HTT: variants seen among roughly 807,000 people sequenced by gnomAD.
HTT encodes huntingtin.
HTT carries 104 observed loss-of-function variants against 362.3 expected under a neutral mutation model. The observed-to-expected ratio is 0.29, with a 90% CI of 0.24 to 0.34. The LOEUF is 0.34. HTT is among the 10% of genes least tolerant of loss of function. The pLI is 1.00. For synonymous variants in HTT, 1,577 were observed against 1,548.7 expected (o/e 1.02, Z -0.43); for missense variants, 3,301 against 3,928.6 (o/e 0.84, Z 4.27).
At chr4:3,166,463 C>T (rs866559143) in intron 29 of HTT, among the ~76,000 whole-genome samples, 1 of 152,198 alleles carries the variant, frequency 6.6e-6, no homozygotes, top group South Asian at 2.1e-4. Flanking sequence ...CTGTCAGGCA[C>T]GTATGTTTAA....
At chr4:3,217,719 AG>A (rs745494693) in intron 51 of HTT, 45 bp from the exon 52 acceptor site, 1 of 1,510,302 alleles carries the variant, frequency 6.6e-7, no homozygotes, top group Non-Finnish European at 9.1e-7. Context: ...CTGGGCATAT[AG>A]GATGTGTTTT....
chr4:3,212,341 G>A (rs1720198859), intron 48 of HTT, among the ~76,000 whole-genome samples, 199 bp downstream of exon 48: 1 of 152,178 alleles, frequency 6.6e-6, no homozygotes, highest in East Asian at 1.9e-4. Context: ...CATTGACATG[G>A]TCATGGACAT....
At chr4:3,150,299 G>A (rs767001838) in intron 26 of HTT, among the ~76,000 whole-genome samples, 5 of 152,118 alleles carry the variant, frequency 3.3e-5, no homozygotes, top group Non-Finnish European at 7.4e-5. Flanking sequence ...ACCCCGATTC[G>A]GTTTAATTTT....
At chr4:3,208,977 T>TA in intron 46 of HTT, 66 bp downstream of exon 46, 1 of 1,506,770 alleles carries the variant, frequency 6.6e-7, no homozygotes. Flanking sequence ...CTGTGGCAGA[T>TA]ACAGAGAGTG....
At chr4:3,104,783 AGTCTCAGCTACTTGGGAGATTGAGGTG>A (rs1714342034) in intron 4 of HTT, among the ~76,000 whole-genome samples, 1 of 152,126 alleles carries the variant, frequency 6.6e-6, no homozygotes, top group Non-Finnish European at 1.5e-5. Context: ...GCACAACTAT[AGTCTCAGCTACTTGGGAGATTGAGGTG>A]GGAGGATTAA....
rs771496853 is a variant in HTT, at chr4:3,228,938, A to G, written c.8038A>G (p.Ser2680Gly). 1.9e-6 allele frequency: 3 copies of G among 1,613,686 alleles called. No homozygotes were observed. The highest frequency in any genetic ancestry group is 2.7e-5 in the African/African-American group (2 of 74,838). Residue 2680 changes from serine (S) to glycine (G), a missense_variant, in exon 59 of 67, where the codon AGC becomes GGC. Physicochemically the swap from Ser to Gly is moderately conservative, Grantham distance 56. Coordinates refer to ENST00000355072, the MANE Select transcript of HTT (RefSeq NM_001388492.1). The surrounding 1 kb of genome is among the most constrained non-coding windows in gnomAD (Gnocchi z 4.3). ...SCSQFLLELY[S>G]RWILPSSSAR... ...TTCGCAGTTTTTGCTTGAGTTGTAC[A>G]GCCGCTGGATCCTGCCGTCCAGCTC...
chr4:3,176,609 T>C (rs904208046), intron 33 of HTT, among the ~76,000 whole-genome samples: 1 of 152,218 alleles, frequency 6.6e-6, no homozygotes, highest in African/African-American at 2.4e-5. Context: ...ATTTGTTCCA[T>C]TCTAGTAAGA....
chr4:3,222,123 G>A (rs1435152391), intron 53 of HTT, among the ~76,000 whole-genome samples: 1 of 152,378 alleles, frequency 6.6e-6, no homozygotes, highest in African/African-American at 2.4e-5. Context: ...GGGTTGACCA[G>A]GCTGCCAGGG....
At chr4:3,170,131 A>G (rs1016004382) in intron 29 of HTT, among the ~76,000 whole-genome samples, 3 of 152,058 alleles carry the variant, frequency 2.0e-5, no homozygotes, top group African/African-American at 7.2e-5. Flanking sequence ...TTGGATGCCC[A>G]ACCTTGTGAA....
At chr4:3,193,025 A>C (rs771455843) in intron 40 of HTT, among the ~76,000 whole-genome samples, 38 of 152,368 alleles carry the variant, frequency 2.5e-4, no homozygotes, top group Admixed American at 5.2e-4. Flanking sequence ...GGGCAGGCAG[A>C]GGCAGGATTT....
intron 1 of HTT, among the ~76,000 whole-genome samples, chr4:3,083,167 C>A (rs897403628): frequency 6.6e-6 from 1 of 152,030 alleles, no homozygotes; most frequent in African/African-American, 2.4e-5. Context: ...TAGAGACGAG[C>A]GTCTTGTGCA....
At chr4:3,103,394 T>G (rs1429820530) in intron 3 of HTT, among the ~76,000 whole-genome samples, 1 of 151,616 alleles carries the variant, frequency 6.6e-6, no homozygotes, top group Non-Finnish European at 1.5e-5. Flanking sequence ...CCGGCTAATT[T>G]TTGTATTTTT....
At chr4:3,118,624 A>T (rs1263181874) in intron 8 of HTT, among the ~76,000 whole-genome samples, 1 of 152,202 alleles carries the variant, frequency 6.6e-6, no homozygotes, top group East Asian at 1.9e-4. Context: ...ATAGATTAGC[A>T]AGAGTGCTGG....
At chr4:3,182,714 G>A (rs1377045792) in intron 37 of HTT, among the ~76,000 whole-genome samples, 1 of 152,214 alleles carries the variant, frequency 6.6e-6, no homozygotes, top group Non-Finnish European at 1.5e-5. Flanking sequence ...TGATCAGGCA[G>A]CACACAGCTT....
rs1201951720 is a variant in HTT at position 3,211,807 on chromosome 4, T to A, written c.6415-122T>A. On this transcript the variant is annotated intron_variant, in intron 47 of 66. Transcript: ENST00000355072. ...TTTCTTAAAAATATTTTTGATGGTA[T>A]ACCAATTTGTATTTTCTCAGAAACA... The A allele has an allele frequency of 1.0e-5, 7 of 681,424 alleles. No homozygotes were observed. The Admixed American group carries it at 1.6e-4, about 16-fold the overall frequency. 42.2% of individuals were successfully genotyped at this position (681,424 alleles called of 1,614,324 possible). A position where few individuals can be genotyped will look rare whatever the true frequency, so the allele number is the denominator to read the frequency against.
chr4:3,227,066 C>T (rs904906004), intron 57 of HTT, among the ~76,000 whole-genome samples: 1 of 152,176 alleles, frequency 6.6e-6, no homozygotes, highest in Non-Finnish European at 1.5e-5. Context: ...CTGGCCTTGT[C>T]CTGGGCCCAG....
At chr4:3,230,159 G>A (rs947383036) in intron 60 of HTT, 117 bp downstream of exon 60, 12 of 819,482 alleles carry the variant, frequency 1.5e-5, no homozygotes, top group Admixed American at 2.0e-5. Context: ...GAGTTGACCC[G>A]AACCGGACTC....
intron 28 of HTT, among the ~76,000 whole-genome samples, chr4:3,158,361 T>G (rs557562227): frequency 6.6e-6 from 1 of 152,370 alleles, no homozygotes; most frequent in South Asian, 2.1e-4. Flanking sequence ...TAGAATTTTC[T>G]GGATATTCTT....
intron 8 of HTT, among the ~76,000 whole-genome samples, chr4:3,118,854 A>G (rs1301614971): frequency 1.3e-5 from 2 of 152,240 alleles, no homozygotes; most frequent in East Asian, 3.8e-4. Flanking sequence ...TCTCTATAAC[A>G]TATCTTACTC....
Sources: gnomAD v4.1 joint callset for allele counts (sites outside exome capture counted in the v4.1 genomes callset) on GRCh38, gnomAD v4.1.1 for gene constraint, Gnocchi (gnomAD v3.1) non-coding constraint, MANE v1.5 for transcripts, NCBI Gene and HGNC (gene_info 2026-07-23, HGNC 2026-07-21) for gene names.